The following CEMIP variants were observed in gnomAD, a reference collection of about 807,000 sequenced individuals.
CEMIP encodes cell migration inducing hyaluronidase 1, also known as cell migration-inducing and hyaluronan-binding protein.
A neutral mutation model predicts 156.9 loss-of-function variants in CEMIP; 105 were observed. That is an observed-to-expected ratio of 0.67 (90% confidence interval 0.57 to 0.79). The LOEUF (loss-of-function observed/expected upper bound fraction) is 0.79, where lower values mean the gene tolerates loss of function less well. Among genes scored for constraint, CEMIP ranks in the 30% least tolerant of loss-of-function variants. CEMIP has a pLI of 0.00. For missense variants in CEMIP, 1,457 were observed against 1,769.4 expected, an observed-to-expected ratio of 0.82 and a Z score of 3.17; for synonymous variants, 676 against 668.4, an observed-to-expected ratio of 1.01 and a Z score of -0.17.
chr15:80,943,978 C>T (rs1901441299), intron 28 of CEMIP, among the ~76,000 whole-genome samples: 1 of 152,154 alleles, frequency 6.6e-6, no homozygotes, highest in Admixed American at 6.5e-5. Flanking sequence ...TTTTCCGATC[C>T]AACCCAAAAG....
intron 1 of CEMIP, among the ~76,000 whole-genome samples, chr15:80,796,103 A>G (rs1197910752): frequency 2.0e-5 from 3 of 152,182 alleles, no homozygotes; most frequent in South Asian, 2.1e-4. Flanking sequence ...ATAAGAGCTT[A>G]CCAGGATTTT....
At chr15:80,797,476 G>C (rs1250297665) in intron 1 of CEMIP, among the ~76,000 whole-genome samples, 2 of 152,188 alleles carry the variant, frequency 1.3e-5, no homozygotes, top group Non-Finnish European at 2.9e-5. Context: ...CACAAGAAAA[G>C]CAGCAGTCAC....
At position 80,886,878 on chromosome 15, in the gene CEMIP, C is replaced by T. The variant is rs933461700; in HGVS notation, c.798-816C>T. 4.1e-4 allele frequency among the ~76,000 whole-genome samples: 62 copies of T among 152,166 alleles called. 2 individuals are homozygous for T. The highest frequency in any genetic ancestry group is 4.1e-3 in the Admixed American group (62 of 15,274). On this transcript the variant is annotated intron_variant, in intron 7 of 29. Transcript: ENST00000394685. ...TTCTGTGTTTGGGGATAAGGATGCT[C>T]TTTTTCTCAGAATAAGGAAGGCCCT...
intron 1 of CEMIP, among the ~76,000 whole-genome samples, chr15:80,784,248 G>C (rs1895869753): frequency 6.6e-6 from 1 of 152,218 alleles, no homozygotes; most frequent in Non-Finnish European, 1.5e-5. Context: ...TCTCCTGTCA[G>C]TAGGAGAGCT....
rs1900995822 is a variant in CEMIP, at chr15:80,933,316, A to G, written c.2865A>G (p.Thr955=). ...FNQLDMDGDK[T]SVFHDVDGSV... The stretch of plus-strand genomic sequence containing the variant: ...AGCTGGACATGGATGGGGATAAGAC[A>G]TCTGTGTTCCATGACGTCGACGGCT... The change falls in exon 23 of 30, where the codon ACA becomes ACG. Residue 955 remains threonine (T), a synonymous_variant. Coordinates refer to ENST00000394685, the MANE Select transcript of CEMIP (RefSeq NM_001293298.2). 6 of 1,614,042 alleles carry G rather than the reference A, an allele frequency of 3.7e-6. No individual in the cohort carries two copies. The highest frequency in any genetic ancestry group is 1.1e-5 in the South Asian group (1 of 91,076).
intron 14 of CEMIP, among the ~76,000 whole-genome samples, chr15:80,916,585 G>A (rs11072959): frequency 0.73 from 111,244 of 152,108 alleles, 43,933 homozygotes; most frequent in Non-Finnish European, 0.87. Flanking sequence ...TCTGCTATCT[G>A]TCTATCCATC....
At chr15:80,796,377 T>G (rs1896224183) in intron 1 of CEMIP, among the ~76,000 whole-genome samples, 1 of 152,250 alleles carries the variant, frequency 6.6e-6, no homozygotes, top group Non-Finnish European at 1.5e-5. Flanking sequence ...TGAAATCCAC[T>G]GTCACTAATG....
At chr15:80,867,920 A>T (rs980306480) in intron 1 of CEMIP, among the ~76,000 whole-genome samples, 1 of 152,158 alleles carries the variant, frequency 6.6e-6, no homozygotes, top group Non-Finnish European at 1.5e-5. Flanking sequence ...AGAGGAGGAC[A>T]GGGCTCTTAC....
chr15:80,926,952 T>A (rs908189583), intron 19 of CEMIP, among the ~76,000 whole-genome samples: 2 of 151,344 alleles, frequency 1.3e-5, no homozygotes, highest in African/African-American at 2.4e-5. Flanking sequence ...TGCCTCAGCC[T>A]CCCGAGTAGC....
intron 1 of CEMIP, among the ~76,000 whole-genome samples, chr15:80,790,657 C>T (rs538189457): frequency 7.2e-5 from 11 of 152,304 alleles, no homozygotes; most frequent in Admixed American, 6.5e-4. Flanking sequence ...TTCATAATAA[C>T]TAATGTTGCT....
chr15:80,939,109 G>A (rs1426844871), intron 25 of CEMIP, among the ~76,000 whole-genome samples: 1 of 152,226 alleles, frequency 6.6e-6, no homozygotes, highest in Non-Finnish European at 1.5e-5. Context: ...AGGGGAAGAG[G>A]AAGTGATCCA....
intron 1 of CEMIP, among the ~76,000 whole-genome samples, chr15:80,808,302 G>C (rs1896565188): frequency 6.6e-6 from 1 of 152,182 alleles, no homozygotes; most frequent in Admixed American, 6.6e-5. Context: ...GCCTTCCACT[G>C]CTGAGACCCT....
chr15:80,890,785 C>A (rs1263530981), intron 10 of CEMIP, among the ~76,000 whole-genome samples: 1 of 152,202 alleles, frequency 6.6e-6, no homozygotes, highest in Non-Finnish European at 1.5e-5. Flanking sequence ...GGCAGAACTT[C>A]TACCCTCTGT....
chr15:80,802,848 A>G (rs1896413179), intron 1 of CEMIP, among the ~76,000 whole-genome samples: 2 of 152,158 alleles, frequency 1.3e-5, no homozygotes. Flanking sequence ...TCATTTGTAC[A>G]ATGATGGGAG....
chr15:80,813,641 C>T (rs554338951), intron 1 of CEMIP, among the ~76,000 whole-genome samples: 11 of 151,836 alleles, frequency 7.2e-5, no homozygotes, highest in African/African-American at 2.4e-4. Flanking sequence ...CCACCACACC[C>T]GGCCGGAGCA....
At chr15:80,866,540 G>A (rs2141784133) in intron 1 of CEMIP, among the ~76,000 whole-genome samples, 1 of 151,966 alleles carries the variant, frequency 6.6e-6, no homozygotes, top group Non-Finnish European at 1.5e-5. Context: ...GCAGTGAGCT[G>A]AGATGGCGCC....
intron 14 of CEMIP, among the ~76,000 whole-genome samples, chr15:80,918,837 AG>A (rs1324242860): frequency 6.6e-6 from 1 of 152,040 alleles, no homozygotes; most frequent in Non-Finnish European, 1.5e-5. Flanking sequence ...GGGATTGGAC[AG>A]GGGGGTGGGG....
At chr15:80,826,998 C>CAATAAG (rs1393029541) in intron 1 of CEMIP, among the ~76,000 whole-genome samples, 1 of 152,180 alleles carries the variant, frequency 6.6e-6, no homozygotes, top group Non-Finnish European at 1.5e-5. Flanking sequence ...CCAAGTCCTA[C>CAATAAG]AATAAGAAGC....
At chr15:80,912,659 A>T (rs544183143) in intron 14 of CEMIP, among the ~76,000 whole-genome samples, 16 of 152,216 alleles carry the variant, frequency 1.1e-4, no homozygotes, top group Admixed American at 3.9e-4. Context: ...CTTCCCTAAG[A>T]TCTCCAAGAG....
Sources: allele counts gnomAD v4.1 joint callset (sites outside exome capture counted in the v4.1 genomes callset), GRCh38; gene constraint gnomAD v4.1.1; transcripts MANE v1.5; gene names NCBI Gene and HGNC (gene_info 2026-07-23, HGNC 2026-07-21).